The following TAB3 variants were observed in gnomAD, a reference collection of about 807,000 sequenced individuals.
TAB3 encodes the protein TGF-beta activated kinase 1 (MAP3K7) binding protein 3.
TAB3 carries 18 observed loss-of-function variants against 48.1 expected under a neutral mutation model. The observed-to-expected ratio is 0.37, with a 90% CI of 0.26 to 0.55. The LOEUF is 0.55. Among genes scored for constraint, TAB3 ranks in the 20% least tolerant of loss-of-function variants. The pLI is 0.78. For missense variants in TAB3, 414 were observed against 549.8 expected (o/e 0.75, Z 2.47); for synonymous variants, 185 against 190.2 (o/e 0.97, Z 0.22).
chrX:30,840,617 C>T (rs1406070207), intron 9 of TAB3, among the ~76,000 whole-genome samples: 1 of 111,009 alleles, frequency 9.0e-6, no homozygotes, highest in Non-Finnish European at 1.9e-5. Flanking sequence ...GTAAGTCTCA[C>T]GAGATCTGAT....
chrX:30,855,470 C>T lies in TAB3; in HGVS notation c.195G>A (p.Arg65=), dbSNP rs752619684. ...TATGTAAAAGGCGATTTCTATTCAT[C>T]CTATTGTCATCTGGACTATGGTATT... ...YMEYHSPDDN[R]MNRNRLLHIN... The change falls in exon 6 of 11, where the codon AGG becomes AGA. Residue 65 remains arginine, a synonymous_variant. Transcript: ENST00000288422. 16 of 1,209,488 alleles carry T rather than the reference C, an allele frequency of 1.3e-5. No homozygotes were observed. Among genetic ancestry groups the T allele is most frequent in the Middle Eastern group, 4.6e-4 (2 of 4,376 alleles).
Position 30,854,798 on chromosome X carries a change from C to T in TAB3, c.867G>A (p.Gln289=). The change falls in exon 6 of 11, where the codon CAG becomes CAA. Residue 289 remains glutamine, a synonymous_variant. Transcript: ENST00000288422. ...QYSPKQQQIP[Q]SAYHSPPPSQ... Reference sequence around the variant, plus strand: ...AAGGAGGTGGTGAATGGTAAGCAGACTGAGGGATCTGCTGCTGTTTGGGAG... The same window carrying T: ...AAGGAGGTGGTGAATGGTAAGCAGATTGAGGGATCTGCTGCTGTTTGGGAG... 8.3e-7 allele frequency: 1 copy of T among 1,210,726 alleles called. No homozygotes were observed. Among genetic ancestry groups the T allele is most frequent in the African/African-American group, 1.7e-5 (1 of 57,605 alleles).
intron 8 of TAB3, 56 bp from the exon 9 acceptor site, chrX:30,843,105 A>G: frequency 1.4e-6 from 1 of 693,918 alleles, no homozygotes; most frequent in Non-Finnish European, 2.1e-6. Context: ...CTGTTATTTG[A>G]TTTTTTTTTA....
intron 7 of TAB3, among the ~76,000 whole-genome samples, chrX:30,848,653 A>G (rs749026344): frequency 7.1e-5 from 8 of 112,105 alleles, no homozygotes; most frequent in Non-Finnish European, 1.1e-4. Flanking sequence ...TGAGGGGGGA[A>G]AAAAAGCAGT....
In TAB3 at chrX:30,827,615, A is replaced by G. The variant is rs749114173; in HGVS notation, c.*3812T>C. Reference sequence around the variant, plus strand: ...CTAAAAGAGACATGGTATTTACAAGATTTAATAAGTTTTTGCTGCTTTAAT... The same window carrying G: ...CTAAAAGAGACATGGTATTTACAAGGTTTAATAAGTTTTTGCTGCTTTAAT... On this transcript the variant is annotated 3_prime_UTR_variant, in exon 11 of 11. Transcript: ENST00000288422. The G allele has an allele frequency of 8.9e-6, 1 of 112,680 alleles. No individual in the cohort carries two copies. Among genetic ancestry groups the G allele is most frequent in the Non-Finnish European group, 1.9e-5 (1 of 53,271 alleles). The allele number at this position is 112,680 out of a possible 1,213,427, so 9.3% of individuals were successfully genotyped here.
At chrX:30,856,954 A>T (rs1939096469) in intron 5 of TAB3, among the ~76,000 whole-genome samples, 1 of 111,779 alleles carries the variant, frequency 8.9e-6, no homozygotes, top group South Asian at 3.7e-4. Context: ...TCTGGCCAAA[A>T]GGACATTATT....
rs1238168933 is a variant in TAB3, at chrX:30,829,449, C to A, written c.*1978G>T. 1 of 111,659 alleles carries A rather than the reference C, an allele frequency of 9.0e-6. No individual in the cohort carries two copies. The highest frequency in any genetic ancestry group is 2.8e-4 in the East Asian group (1 of 3,567). 9.2% of individuals were successfully genotyped at this position (111,659 alleles called of 1,213,427 possible). A position where few individuals can be genotyped will look rare whatever the true frequency, so the allele number is the denominator to read the frequency against. ...GACCATCACTAAAGAGATATGAAAC[C>A]ATACAAAGGCAAAGGCATATTACAG... On this transcript the variant is annotated 3_prime_UTR_variant, in exon 11 of 11. Coordinates refer to ENST00000288422, the MANE Select transcript of TAB3 (RefSeq NM_152787.5).
At chrX:30,840,153 T>C in intron 9 of TAB3, among the ~76,000 whole-genome samples, 1 of 109,480 alleles carries the variant, frequency 9.1e-6, no homozygotes, top group East Asian at 2.9e-4. Flanking sequence ...TGTGTTCTCT[T>C]TTTTTACAGA....
chrX:30,838,289 T>C (rs1318334180), intron 9 of TAB3, among the ~76,000 whole-genome samples: 1 of 111,735 alleles, frequency 8.9e-6, no homozygotes, highest in Non-Finnish European at 1.9e-5. Flanking sequence ...CTAACACACT[T>C]TTCATACACT....
At chrX:30,836,477 A>G (rs938234066) in intron 9 of TAB3, 1 of 111,798 alleles carries the variant, frequency 8.9e-6, no homozygotes, top group South Asian at 3.7e-4. Context: ...TTTTAACCGA[A>G]ATCCCATTAT....
intron 9 of TAB3, chrX:30,836,523 G>GTGTT (rs1288300632): frequency 2.7e-5 from 3 of 111,906 alleles, no homozygotes; most frequent in African/African-American, 9.8e-5. Flanking sequence ...TTTGCAAATT[G>GTGTT]TGTTTGAGTT....
At position 30,843,058 on chromosome X, in the gene TAB3, A is replaced by G. The variant is rs1442815982; in HGVS notation, c.1805-9T>C. The G allele has an allele frequency of 3.8e-6, 4 of 1,053,442 alleles. No homozygotes were observed. The East Asian group carries it at 1.2e-4, about 33-fold the overall frequency. 86.8% of individuals were successfully genotyped at this position (1,053,442 alleles called of 1,213,427 possible). A position where few individuals can be genotyped will look rare whatever the true frequency, so the allele number is the denominator to read the frequency against. ...TTTTGGATCAAAGTTTCCTATAAAGAAAGTAAATTCATCAGGCATTTAAGA... is the reference window on the plus strand; with the variant it reads ...TTTTGGATCAAAGTTTCCTATAAAGGAAGTAAATTCATCAGGCATTTAAGA... On this transcript the variant is annotated splice_polypyrimidine_tract_variant and intron_variant, in intron 8 of 10. Coordinates refer to ENST00000288422, the MANE Select transcript of TAB3 (RefSeq NM_152787.5).
intron 5 of TAB3, among the ~76,000 whole-genome samples, chrX:30,858,655 G>GC (rs199786384): frequency 0.019 from 2,104 of 111,804 alleles, 56 homozygotes; most frequent in African/African-American, 0.065. Flanking sequence ...AAGTACTGCT[G>GC]CCCAAAGTTA....
chrX:30,863,781 A>C (rs1939324133), intron 4 of TAB3, among the ~76,000 whole-genome samples: 1 of 112,093 alleles, frequency 8.9e-6, no homozygotes. Flanking sequence ...GTTTCTTTAC[A>C]GTGACATAAG....
rs146547887 is a variant in TAB3 at position 30,864,257 on chromosome X, T to A, written c.-91+2858A>T. 3.2e-3 allele frequency among the ~76,000 whole-genome samples: 353 copies of A among 111,756 alleles called. 3 individuals are homozygous for A. The highest frequency in any genetic ancestry group is 0.011 in the African/African-American group (331 of 30,757). On this transcript the variant is annotated intron_variant, in intron 4 of 10. Transcript: ENST00000288422. ...GAAGAAACACTAAAGACATAAACCC[T>A]ATGATCATCACACAGTTCAGGGGCC...
intron 5 of TAB3, 127 bp downstream of exon 5, chrX:30,859,360 C>A (rs768680676): frequency 7.7e-6 from 3 of 391,978 alleles, no homozygotes; most frequent in Non-Finnish European, 1.3e-5. Flanking sequence ...AAATCCTGCT[C>A]CACACACACA....
chrX:30,881,373 G>A (rs780195859), intron 1 of TAB3, among the ~76,000 whole-genome samples: 2 of 109,986 alleles, frequency 1.8e-5, no homozygotes, highest in South Asian at 7.6e-4. Context: ...TTTTTTAAGT[G>A]TAAAGGAGTA....
intron 5 of TAB3, among the ~76,000 whole-genome samples, chrX:30,858,704 C>T (rs2147367916): frequency 9.0e-6 from 1 of 111,497 alleles, no homozygotes; most frequent in South Asian, 3.8e-4. Flanking sequence ...ACACTAAGAT[C>T]CTGTGAAGGA....
chrX:30,846,010 C>A (rs773626684), intron 8 of TAB3: 1 of 1,016,220 alleles, frequency 9.8e-7, no homozygotes, highest in Non-Finnish European at 1.3e-6. Flanking sequence ...AAATGAAGAC[C>A]ATCTCTAATC....
Sources: gnomAD v4.1 joint callset for allele counts (sites outside exome capture counted in the v4.1 genomes callset) on GRCh38, gnomAD v4.1.1 for gene constraint, MANE v1.5 for transcripts, NCBI Gene and HGNC (gene_info 2026-07-23, HGNC 2026-07-21) for gene names.